The following ERICH1 variants were observed in gnomAD, a reference collection of about 807,000 sequenced individuals.
ERICH1 encodes glutamate-rich protein 1.
ERICH1 carries 56 observed loss-of-function variants against 39.6 expected under a neutral mutation model. That is an observed-to-expected ratio of 1.41 (90% CI 1.14 to 1.77). ERICH1 has a LOEUF of 1.77. Among genes scored for constraint, ERICH1 ranks in the 40% most tolerant of loss-of-function variants. ERICH1 has a pLI of 0.00. For missense variants in ERICH1, 826 were observed against 575.4 expected (o/e 1.44, Z -4.45); for synonymous variants, 313 against 223.6 (o/e 1.40, Z -3.57).
At chr8:723,198 G>C (rs1022308778) in intron 1 of ERICH1, among the ~76,000 whole-genome samples, 23 of 152,200 alleles carry the variant, frequency 1.5e-4, no homozygotes, top group Non-Finnish European at 2.8e-4. Context: ...AAGAGTGGAA[G>C]CTTCCCGACG....
intron 3 of ERICH1, among the ~76,000 whole-genome samples, chr8:676,540 G>GGCGCGGCGGCCCCTCGTGAGGACAGAA (rs1281677923): frequency 1.3e-5 from 2 of 151,992 alleles, no homozygotes; most frequent in Non-Finnish European, 2.9e-5. Flanking sequence ...TGAGGACAGA[G>GGCGCGGCGGCCCCTCGTGAGGACAGAA]GCACACTACC....
intron 3 of ERICH1, among the ~76,000 whole-genome samples, chr8:652,877 T>A (rs1800152596): frequency 6.6e-6 from 1 of 152,152 alleles, no homozygotes; most frequent in African/African-American, 2.4e-5. Context: ...AGCAAGGAAA[T>A]GCAAATCAAA....
rs1225086606 is a variant in ERICH1, at chr8:647,682, C to T, written c.976+20916G>A. ...GGCAGCCCTGATGGAGTTGAGCCAG[C>T]CCACTCCTGGATGAGCCTCAGAAAC... On this transcript the variant is annotated intron_variant, in intron 3 of 3. Transcript: ENST00000522706. 3.0e-5 allele frequency among the ~76,000 whole-genome samples: 2 copies of T among 65,766 alleles called. 1 individual carries two copies. The highest frequency in any genetic ancestry group is 8.0e-5 in the African/African-American group (2 of 25,146). 43.1% of individuals were successfully genotyped at this position (65,766 alleles called of 152,430 possible).
intron 3 of ERICH1, among the ~76,000 whole-genome samples, chr8:686,965 C>T (rs1447455159): frequency 6.6e-6 from 1 of 152,228 alleles, no homozygotes; most frequent in East Asian, 1.9e-4. Context: ...CCCCATCACC[C>T]ACCCACGAGC....
intron 3 of ERICH1, among the ~76,000 whole-genome samples, chr8:656,226 C>T (rs558385177): frequency 2.0e-5 from 3 of 152,282 alleles, no homozygotes; most frequent in Admixed American, 6.5e-5. Context: ...TTTTCCCCTA[C>T]AAGCCTCCCG....
chr8:632,944 C>T (rs926076373), intron 3 of ERICH1, among the ~76,000 whole-genome samples: 2 of 152,208 alleles, frequency 1.3e-5, no homozygotes, highest in African/African-American at 4.8e-5. Flanking sequence ...CAGCAAAGAG[C>T]CGTTTAGGCA....
rs62486203 is a variant in ERICH1, at chr8:638,018, G to C, written c.977-22734C>G. Reference sequence around the variant, plus strand: ...GCTTTGCAGGGGCAGGATTTGGTGAGGAAGCAAAATAATGACTTTACACAG... The same window carrying C: ...GCTTTGCAGGGGCAGGATTTGGTGACGAAGCAAAATAATGACTTTACACAG... On this transcript the variant is annotated intron_variant, in intron 3 of 3. Coordinates refer to the ERICH1 transcript ENST00000522706. Among the ~76,000 whole-genome samples, 1,175 of 152,372 alleles carry C rather than the reference G, an allele frequency of 7.7e-3. 8 individuals are homozygous for C. The highest frequency in any genetic ancestry group is 0.011 in the Non-Finnish European group (774 of 68,044).
At chr8:638,066 T>C (rs1252447222) in intron 3 of ERICH1, among the ~76,000 whole-genome samples, 1 of 152,228 alleles carries the variant, frequency 6.6e-6, no homozygotes, top group Non-Finnish European at 1.5e-5. Flanking sequence ...TAGGAGGTCC[T>C]GAGTCATTTA....
intron 1 of ERICH1, among the ~76,000 whole-genome samples, chr8:720,437 G>C (rs1292868182): frequency 1.3e-5 from 2 of 152,238 alleles, no homozygotes; most frequent in African/African-American, 4.8e-5. Flanking sequence ...GCCAGGAAGA[G>C]CATGCAACTA....
intron 1 of ERICH1, among the ~76,000 whole-genome samples, chr8:717,718 G>A (rs1310238216): frequency 6.6e-6 from 1 of 152,216 alleles, no homozygotes; most frequent in Admixed American, 6.5e-5. Flanking sequence ...GCTGGGCCTG[G>A]GGCAGCCAAC....
chr8:698,996 T>A (rs909144869), intron 2 of ERICH1, among the ~76,000 whole-genome samples: 4 of 151,050 alleles, frequency 2.6e-5, no homozygotes, highest in Admixed American at 1.3e-4. Flanking sequence ...CTCCAAAGTC[T>A]CGGCTCAGCT....
At chr8:722,709 C>A (rs887078540) in intron 1 of ERICH1, among the ~76,000 whole-genome samples, 1 of 152,210 alleles carries the variant, frequency 6.6e-6, no homozygotes, top group Admixed American at 6.5e-5. Flanking sequence ...AAAACTTTTG[C>A]TATCACCCTT....
intron 3 of ERICH1, among the ~76,000 whole-genome samples, chr8:622,350 C>T (rs183455079): frequency 8.7e-4 from 133 of 152,302 alleles, no homozygotes; most frequent in African/African-American, 3.0e-3. Flanking sequence ...TGGAGAGTGA[C>T]TAGGTCATGA....
chr8:669,098 C>A (rs1334207045), intron 4 of ERICH1: 1 of 309,298 alleles, frequency 3.2e-6, no homozygotes, highest in African/African-American at 2.5e-5. Flanking sequence ...TCTGGTGAGA[C>A]GCCTCCCCTG....
At chr8:665,618 G>A (rs905448819) in intron 5 of ERICH1, among the ~76,000 whole-genome samples, 7 of 152,240 alleles carry the variant, frequency 4.6e-5, no homozygotes, top group Admixed American at 3.3e-4. Flanking sequence ...GTTGATGTTC[G>A]GAAATCCTCA....
chr8:632,044 C>T (rs905966611), intron 3 of ERICH1, among the ~76,000 whole-genome samples: 3 of 152,294 alleles, frequency 2.0e-5, no homozygotes, highest in African/African-American at 7.2e-5. Context: ...ACTCGAGCTG[C>T]GTCTCTGCTT....
At chr8:728,025 G>C (rs1819181639) in intron 1 of ERICH1, among the ~76,000 whole-genome samples, 1 of 152,206 alleles carries the variant, frequency 6.6e-6, no homozygotes, top group Non-Finnish European at 1.5e-5. Flanking sequence ...GCTCAGGGCT[G>C]GGCCCTGGGA....
rs373093893 is a variant in ERICH1, at chr8:656,324, A to C, written c.976+12274T>G. The stretch of plus-strand genomic sequence containing the variant: ...TGCAAGTCACCTGTGGGGTAAGGTG[A>C]GGCTTCGGGACTCTCCCCTTCCCCA... On this transcript the variant is annotated intron_variant, in intron 3 of 3. Coordinates refer to the ERICH1 transcript ENST00000522706. Among the ~76,000 whole-genome samples the C allele has an allele frequency of 4.9e-4, 75 of 152,256 alleles. No individual in the cohort carries two copies. The South Asian group carries it at 0.013, about 27-fold the overall frequency.
intron 3 of ERICH1, among the ~76,000 whole-genome samples, chr8:617,760 G>A (rs1182854383): frequency 1.3e-5 from 2 of 149,786 alleles, no homozygotes; most frequent in Non-Finnish European, 3.0e-5. Context: ...TGTCCTCACT[G>A]TCCTCTGCGT....
Sources: gnomAD v4.1 joint callset for allele counts (sites outside exome capture counted in the v4.1 genomes callset) on GRCh38, gnomAD v4.1.1 for gene constraint, MANE v1.5 for transcripts, NCBI Gene and HGNC (gene_info 2026-07-23, HGNC 2026-07-21) for gene names.